Variants in NEB observed in about 807,000 individuals in gnomAD.
NEB encodes the protein nemaline myopathy type 2.
NEB carries 512 observed loss-of-function variants against 952.2 expected under a neutral mutation model. The ratio of observed to expected loss-of-function variants is 0.54; its 90% CI spans 0.50 to 0.58. The LOEUF is 0.58. NEB is among the 20% of genes least tolerant of loss of function. The pLI is 0.00. For missense variants in NEB, 8,428 were observed against 9,231.1 expected (o/e 0.91, Z 3.56); for synonymous variants, 2,900 against 3,149.8 (o/e 0.92, Z 2.66).
At chr2:151,685,357 C>G (rs1422108698) in intron 27 of NEB, among the ~76,000 whole-genome samples, 2 of 152,064 alleles carry the variant, frequency 1.3e-5, no homozygotes, top group Non-Finnish European at 2.9e-5. Context: ...GTAATGAAAA[C>G]CATATGACAA....
intron 130 of NEB, among the ~76,000 whole-genome samples, chr2:151,549,210 G>A (rs2095077555): frequency 6.6e-6 from 1 of 152,184 alleles, no homozygotes; most frequent in African/African-American, 2.4e-5. Context: ...ATTTTCAAAG[G>A]AACACATGGT....
chr2:151,614,645 T>C, intron 76 of NEB, 58 bp from the exon 77 acceptor site: 1 of 1,508,202 alleles, frequency 6.6e-7, no homozygotes, highest in Non-Finnish European at 9.1e-7. Flanking sequence ...TCATGTTTCA[T>C]AGGTTCACAT....
At chr2:151,616,320 A>T (rs1334691654) in intron 75 of NEB, among the ~76,000 whole-genome samples, 2 of 152,160 alleles carry the variant, frequency 1.3e-5, no homozygotes, top group Non-Finnish European at 1.5e-5. Context: ...GTAAATTTCA[A>T]CAAAAAAATG....
At chr2:151,619,013 A>C (rs1291402877) in intron 73 of NEB, among the ~76,000 whole-genome samples, 6 of 152,184 alleles carry the variant, frequency 3.9e-5, no homozygotes, top group African/African-American at 1.4e-4. Flanking sequence ...GTTTCGAAAA[A>C]CGTAAGAATG....
In NEB at chr2:151,507,996, AAAACTT is replaced by A; in HGVS notation, c.23451+3_23451+8del. 1 of 1,592,484 alleles carries A rather than the reference AAAACTT, an allele frequency of 6.3e-7. No individual in the cohort carries two copies. The highest frequency in any genetic ancestry group is 8.6e-7 in the Non-Finnish European group (1 of 1,166,228). On this transcript the variant is annotated splice_donor_5th_base_variant and intron_variant, in intron 162 of 181. Coordinates refer to ENST00000397345, the MANE Select transcript of NEB (RefSeq NM_001164508.2). ...TGTGGGCTGTGCCTTACATTTAATA[AAAACTT>A]ACAAGGCTGAAGTTCTTTTGGTTCT...
intron 55 of NEB, among the ~76,000 whole-genome samples, 180 bp downstream of exon 55, chr2:151,645,950 A>C (rs1260433965): frequency 6.6e-6 from 1 of 152,240 alleles, no homozygotes; most frequent in Non-Finnish European, 1.5e-5. Context: ...ATTCTGCCTG[A>C]CATAGTGAGT....
Position 151,633,805 on chromosome 2 carries a change from C to T in NEB, c.9263G>A (p.Ser3088Asn). ...DFEKWKTKFS[S>N]PVDMLGVVLA... ...CACCACCCCCAGCATGTCCACTGGG[C>T]TGCTGAACTTGGTCTTCCACTTCTC... Residue 3088 changes from serine to asparagine, a missense_variant, in exon 65 of 182, where the codon AGC (serine) becomes AAC (asparagine). Ser to Asn is a conservative substitution (Grantham distance 46, BLOSUM62 1). Around this residue, in one of 11 missense-constraint regions of NEB, gnomAD observed 1,772 missense variants for 1,960.3 expected, o/e 0.90. Transcript: ENST00000397345. 6.2e-7 allele frequency: 1 copy of T among 1,613,984 alleles called. No homozygotes were observed. The highest frequency in any genetic ancestry group is 8.5e-7 in the Non-Finnish European group (1 of 1,179,884).
chr2:151,641,326 T>G (rs2098844280), intron 60 of NEB, among the ~76,000 whole-genome samples: 1 of 152,066 alleles, frequency 6.6e-6, no homozygotes, highest in African/African-American at 2.4e-5. Flanking sequence ...GACTGTTTTT[T>G]TTGTTTTGTT....
chr2:151,609,305 C>CA (rs1467644550), intron 81 of NEB, among the ~76,000 whole-genome samples: 3 of 151,838 alleles, frequency 2.0e-5, no homozygotes, highest in Non-Finnish European at 4.4e-5. Context: ...ATTGTACTTC[C>CA]AAAAAAGCAA....
chr2:151,530,659 A>G (rs2090158164), intron 145 of NEB: 1 of 208,210 alleles, frequency 4.8e-6, no homozygotes, highest in Non-Finnish European at 9.5e-6. Flanking sequence ...AGTCCCAGGC[A>G]TGTGGAGAGG....
chr2:151,663,404 T>C lies in NEB; in HGVS notation c.5763+144A>G, dbSNP rs576306653. 2.8e-5 allele frequency: 23 copies of C among 812,896 alleles called. No individual in the cohort carries two copies. The African/African-American group carries it at 3.8e-4, about 13-fold the overall frequency. The allele number at this position is 812,896 out of a possible 1,614,324, so 50.4% of individuals were successfully genotyped here. A position where few individuals can be genotyped will look rare whatever the true frequency, so the allele number is the denominator to read the frequency against. ...ATCTCCTTTTGTTAAAGGACATGAATTCAATCTAAGGTAACAAATGAAACA... is the reference window on the plus strand; with the variant it reads ...ATCTCCTTTTGTTAAAGGACATGAACTCAATCTAAGGTAACAAATGAAACA... On this transcript the variant is annotated intron_variant, in intron 45 of 181. Coordinates refer to ENST00000397345, the MANE Select transcript of NEB (RefSeq NM_001164508.2).
At chr2:151,559,074 GAACTT>G (rs2095852646) in intron 124 of NEB, among the ~76,000 whole-genome samples, 2 of 151,140 alleles carry the variant, frequency 1.3e-5, no homozygotes, top group African/African-American at 2.4e-5. Context: ...AATCTACAAA[GAACTT>G]AAACAAATTT....
At chr2:151,569,952 G>T (rs2096568602) in intron 109 of NEB, 129 bp downstream of exon 109, 2 of 916,016 alleles carry the variant, frequency 2.2e-6, no homozygotes, top group Non-Finnish European at 3.2e-6. Flanking sequence ...ATACTATAAG[G>T]TCTCACTAAT....
chr2:151,513,546 T>C (rs780899045), intron 160 of NEB, 34 bp downstream of exon 160: 54 of 1,480,318 alleles, frequency 3.6e-5, no homozygotes, highest in Non-Finnish European at 4.8e-5. Flanking sequence ...ACAACTACTT[T>C]CCTGAAAGAT....
intron 18 of NEB, 107 bp downstream of exon 18, chr2:151,695,468 GTTC>G: frequency 5.1e-6 from 4 of 779,804 alleles, no homozygotes; most frequent in South Asian, 3.3e-5. Context: ...AATGTTAACA[GTTC>G]TTCTCATTTT....
chr2:151,609,682 T>C (rs755966351), intron 81 of NEB, 127 bp downstream of exon 81: 43 of 742,702 alleles, frequency 5.8e-5, no homozygotes, highest in Non-Finnish European at 7.9e-5. Context: ...ATGTGAATGG[T>C]ACCCCCAGCC....
rs2099813128 is a variant in NEB, at chr2:151,733,173, T to C, written c.-17A>G. 2 of 1,601,198 alleles carry C rather than the reference T, an allele frequency of 1.2e-6. No individual in the cohort carries two copies. Among genetic ancestry groups the C allele is most frequent in the Non-Finnish European group, 1.7e-6 (2 of 1,174,034 alleles). ...ATCTGCCATTTTTCCAGAGTAGTAG[T>C]GGCACCTACAAACTTTTCATATTCC... is the stretch of plus-strand genomic sequence containing the variant. On this transcript the variant is annotated 5_prime_UTR_variant, in exon 3 of 182. Coordinates refer to ENST00000397345, the MANE Select transcript of NEB (RefSeq NM_001164508.2).
chr2:151,492,325 CTA>C (rs748780345), intron 177 of NEB, 44 bp from the exon 178 acceptor site: 1 of 1,597,522 alleles, frequency 6.3e-7, no homozygotes, highest in African/African-American at 1.3e-5. Flanking sequence ...GATGGTGTGA[CTA>C]TATCCCTTTT....
chr2:151,531,901 AT>A lies in NEB; in HGVS notation c.21418-6del, dbSNP rs56026241. ...ATAGTTTTTCCTGTATTTGATCTAA[AT>A]TGTGGAAGAGAAGAAAGAGCTCTAA... On this transcript the variant is annotated splice_region_variant and splice_polypyrimidine_tract_variant and intron_variant, in intron 143 of 181. Transcript: ENST00000397345. 0.6 allele frequency: 942,743 copies of A among 1,566,634 alleles called. 288,858 individuals are homozygous for A. Among genetic ancestry groups the A allele is most frequent in the Admixed American group, 0.7 (39,816 of 56,538 alleles).
Sources: allele counts gnomAD v4.1 joint callset (sites outside exome capture counted in the v4.1 genomes callset), GRCh38; gene constraint gnomAD v4.1.1; regional missense constraint gnomAD v4.1.1; transcripts MANE v1.5; gene names NCBI Gene and HGNC (gene_info 2026-07-23, HGNC 2026-07-21).